The following USP1 variants were observed in gnomAD, a reference collection of about 807,000 sequenced individuals.
USP1 encodes ubiquitin carboxyl-terminal hydrolase 1.
Under a neutral mutation model 72.2 loss-of-function variants are expected in USP1, and 18 were observed. The observed-to-expected ratio is 0.25, with a 90% CI of 0.17 to 0.37. The LOEUF is 0.37. Ranked by LOEUF, USP1 falls within the 10% of genes least tolerant of loss-of-function variation. The pLI, the probability that USP1 is intolerant of heterozygous loss-of-function variation, is 1.00. For missense variants in USP1, 759 were observed against 884.9 expected (o/e 0.86, Z 1.81); for synonymous variants, 354 against 303.7 (o/e 1.17, Z -1.72).
Position 62,448,003 on chromosome 1 carries a change from G to A in USP1, c.1421-462G>A, listed in dbSNP as rs566020508. 1.5e-4 allele frequency among the ~76,000 whole-genome samples: 23 copies of A among 152,210 alleles called. No homozygotes were observed. In the East Asian group the frequency reaches 3.7e-3, roughly 24 times the overall value. On this transcript the variant is annotated intron_variant, in intron 7 of 8. Transcript: ENST00000339950. ...GGGTTTCACCATGTTAGCCAGGATG[G>A]TCTCAATCTCCTGACCTCGTGATCC... is the stretch of plus-strand genomic sequence containing the variant.
At chr1:62,443,948 A>G (rs1202365099) in intron 5 of USP1, among the ~76,000 whole-genome samples, 1 of 152,138 alleles carries the variant, frequency 6.6e-6, no homozygotes, top group African/African-American at 2.4e-5. Flanking sequence ...TAGGTGCAAT[A>G]TATTGCTATA....
intron 8 of USP1, 74 bp from the exon 9 acceptor site, chr1:62,450,172 G>GT: frequency 2.0e-6 from 3 of 1,513,022 alleles, no homozygotes; most frequent in Non-Finnish European, 2.7e-6. Flanking sequence ...TTTTTACTTG[G>GT]TTTCAGATTG....
intron 1 of USP1, among the ~76,000 whole-genome samples, chr1:62,437,837 T>C (rs753060581): frequency 1.4e-4 from 22 of 152,244 alleles, no homozygotes; most frequent in Non-Finnish European, 2.6e-4. Flanking sequence ...TCAAGAAGTG[T>C]TTAGAACGCC....
rs1645214335 is a variant in USP1, at chr1:62,451,169, C to CAGT, written c.*191_*193dup. ...GTTAATTTTTAGAACTCATTTTCCTCAGTAGAGACTAGTGATGCATTAGCT... is the reference window on the plus strand; with the variant it reads ...GTTAATTTTTAGAACTCATTTTCCTCAGTAGTAGAGACTAGTGATGCATTAGCT... On this transcript the variant is annotated 3_prime_UTR_variant, in exon 9 of 9. Transcript: ENST00000339950. The CAGT allele has an allele frequency of 1.7e-6, 1 of 584,582 alleles. No individual in the cohort carries two copies. Among genetic ancestry groups the CAGT allele is most frequent in the South Asian group, 3.6e-5 (1 of 27,578 alleles). 36.2% of individuals were successfully genotyped at this position (584,582 alleles called of 1,614,324 possible).
Position 62,444,974 on chromosome 1 carries a change from C to T in USP1, c.794C>T (p.Pro265Leu), listed in dbSNP as rs528857044. The T allele has an allele frequency of 3.1e-5, 50 of 1,613,404 alleles. No individual in the cohort carries two copies. The African/African-American group carries it at 6.1e-4, about 20-fold the overall frequency. Residue 265 changes from proline (P) to leucine (L), a missense_variant, in exon 6 of 9, where the codon CCA (proline) becomes CTA (leucine). Transcript: ENST00000339950. ...TCTGAAGACTTTAAAGAGAAACTCC[C>T]AAAAGGAAATGGGAAAAGAAAAAGT... is the stretch of plus-strand genomic sequence containing the variant. ...RHSEDFKEKL[P>L]KGNGKRKSDT...
At chr1:62,441,415 A>G (rs1283276162) in intron 2 of USP1, 73 bp from the exon 3 acceptor site, 3 of 1,435,232 alleles carry the variant, frequency 2.1e-6, no homozygotes, top group African/African-American at 2.9e-5. Context: ...AAAAGACTAA[A>G]TCTACAGAAG....
At chr1:62,444,692 G>C in intron 5 of USP1, 46 bp from the exon 6 acceptor site, 1 of 1,421,926 alleles carries the variant, frequency 7.0e-7, no homozygotes. Flanking sequence ...TTTATGTACT[G>C]TATCTTCAAA....
intron 2 of USP1, 122 bp downstream of exon 2, chr1:62,440,159 T>A (rs1218038362): frequency 1.3e-5 from 11 of 854,036 alleles, no homozygotes; most frequent in African/African-American, 1.7e-5. Context: ...TCAGTGTACT[T>A]CTTAGTCAAA....
intron 1 of USP1, 87 bp from the exon 2 acceptor site, chr1:62,439,712 C>T: frequency 1.8e-6 from 1 of 556,576 alleles, no homozygotes; most frequent in South Asian, 7.2e-5. Context: ...TTGTACCATT[C>T]CCTTGGTAAA....
rs1436431562 is a variant in USP1 at position 62,444,960 on chromosome 1, T to C, written c.780T>C (p.Phe260=). Residue 260 remains phenylalanine (F), a synonymous_variant, in exon 6 of 9, where the codon TTT becomes TTC. Coordinates refer to ENST00000339950, the MANE Select transcript of USP1 (RefSeq NM_003368.5). ...ACAGTATGAGGCATTCTGAAGACTT[T>C]AAAGAGAAACTCCCAAAAGGAAATG... ...EMDSMRHSED[F]KEKLPKGNGK... 4.3e-6 allele frequency: 7 copies of C among 1,613,674 alleles called. No homozygotes were observed. In the Admixed American group the frequency reaches 5.0e-5, roughly 12 times the overall value.
At chr1:62,437,820 C>A (rs1271831391) in intron 1 of USP1, among the ~76,000 whole-genome samples, 3 of 152,228 alleles carry the variant, frequency 2.0e-5, no homozygotes, top group East Asian at 1.9e-4. Context: ...CTTTCACTTA[C>A]ACTTTTTCAA....
At chr1:62,438,736 T>G (rs992873385) in intron 1 of USP1, among the ~76,000 whole-genome samples, 6 of 152,192 alleles carry the variant, frequency 3.9e-5, no homozygotes, top group Non-Finnish European at 8.8e-5. Flanking sequence ...CAAGTTTTAC[T>G]TTAAAACAGG....
chr1:62,448,565 A>T lies in USP1; in HGVS notation c.1521A>T (p.Glu507Asp), dbSNP rs753428431. ...RIVGEDKYFC[E>D]NCHHYTEAER... ...TAGGAGAAGATAAATATTTCTGTGA[A>T]AACTGCCATCATTATACTGAAGCTG... Residue 507 changes from glutamate (E) to aspartate (D), a missense_variant, in exon 8 of 9, where the codon GAA becomes GAT. Glu to Asp is a conservative substitution (Grantham distance 45). This residue lies in a region of USP1 where 140 missense variants were observed against 222.8 expected (regional missense o/e 0.63). Coordinates refer to ENST00000339950, the MANE Select transcript of USP1 (RefSeq NM_003368.5). 6.8e-6 allele frequency: 11 copies of T among 1,613,958 alleles called. No homozygotes were observed. The Admixed American group carries it at 1.2e-4, about 17-fold the overall frequency.
At position 62,437,090 on chromosome 1, in the gene USP1, C is replaced by G. The variant is rs1164497259; in HGVS notation, c.-380C>G. ...CCCCTCGGTGGCGGAGTGCTAAAGACCCTAGCGGTTCAGGCGTTCGGCGAG... is the reference window on the plus strand; with the variant it reads ...CCCCTCGGTGGCGGAGTGCTAAAGAGCCTAGCGGTTCAGGCGTTCGGCGAG... On this transcript the variant is annotated 5_prime_UTR_variant, in exon 1 of 9. Coordinates refer to ENST00000339950, the MANE Select transcript of USP1 (RefSeq NM_003368.5). 3 of 398,812 alleles carry G rather than the reference C, an allele frequency of 7.5e-6. No individual in the cohort carries two copies. Among genetic ancestry groups the G allele is most frequent in the East Asian group, 7.1e-5 (2 of 28,054 alleles). 24.7% of individuals were successfully genotyped at this position (398,812 alleles called of 1,614,324 possible). A position where few individuals can be genotyped will look rare whatever the true frequency, so the allele number is the denominator to read the frequency against.
In USP1 at chr1:62,442,282, G is replaced by A; in HGVS notation, c.379G>A (p.Ala127Thr). 1 of 1,593,406 alleles carries A rather than the reference G, an allele frequency of 6.3e-7. No homozygotes were observed. The highest frequency in any genetic ancestry group is 8.6e-7 in the Non-Finnish European group (1 of 1,169,550). The change falls in exon 4 of 9, where the codon GCC becomes ACC. Residue 127 changes from alanine (A) to threonine (T), a missense_variant. Ala to Thr is a moderately conservative substitution (Grantham distance 58). This residue lies in a region of USP1 where 71 missense variants were observed against 71.0 expected (regional missense o/e 1.00). Coordinates refer to ENST00000339950, the MANE Select transcript of USP1 (RefSeq NM_003368.5). ...SRKKEALKDE[A>T]NQKDKGNCKE... is the part of the protein sequence containing the mutation. ...GAAGAAAGAAGCTCTAAAGGATGAAGCCAATCAAAAAGACAAGGTAAGAAA... is the reference window on the plus strand; with the variant it reads ...GAAGAAAGAAGCTCTAAAGGATGAAACCAATCAAAAAGACAAGGTAAGAAA...
rs746840048 is a variant in USP1 at position 62,442,281 on chromosome 1, A to C, written c.378A>C (p.Glu126Asp). 3 of 1,595,564 alleles carry C rather than the reference A, an allele frequency of 1.9e-6. No homozygotes were observed. The highest frequency in any genetic ancestry group is 2.6e-6 in the Non-Finnish European group (3 of 1,170,438). The change falls in exon 4 of 9, where the codon GAA becomes GAC. Residue 126 changes from glutamate (E) to aspartate (D), a missense_variant. Physicochemically the swap from Glu to Asp is conservative, Grantham distance 45. Coordinates refer to ENST00000339950, the MANE Select transcript of USP1 (RefSeq NM_003368.5). ...GGAAGAAAGAAGCTCTAAAGGATGA[A>C]GCCAATCAAAAAGACAAGGTAAGAA... Reference protein sequence around the residue: ...ISRKKEALKDEANQKDKGNCK... With the variant: ...ISRKKEALKDDANQKDKGNCK...
At chr1:62,447,139 A>C (rs1645180955) in intron 6 of USP1, among the ~76,000 whole-genome samples, 1 of 152,192 alleles carries the variant, frequency 6.6e-6, no homozygotes, top group Non-Finnish European at 1.5e-5. Context: ...TAAAGACAGT[A>C]ATTTCATAGT....
intron 8 of USP1, 130 bp from the exon 9 acceptor site, chr1:62,450,116 C>A: frequency 9.0e-7 from 1 of 1,117,100 alleles, no homozygotes; most frequent in Non-Finnish European, 1.2e-6. Context: ...TGTTTTGATT[C>A]TGCTTTTCTG....
At chr1:62,446,430 A>G (rs146190764) in intron 6 of USP1, among the ~76,000 whole-genome samples, 20 of 152,352 alleles carry the variant, frequency 1.3e-4, no homozygotes, top group African/African-American at 4.6e-4. Context: ...TGCATGGCCT[A>G]TTGCTCCTAG....
Sources: allele counts gnomAD v4.1 joint callset (sites outside exome capture counted in the v4.1 genomes callset), GRCh38; gene constraint gnomAD v4.1.1; regional missense constraint gnomAD v4.1.1; transcripts MANE v1.5; gene names NCBI Gene and HGNC (gene_info 2026-07-23, HGNC 2026-07-21).